UST: variants seen among roughly 807,000 people sequenced by gnomAD.
UST encodes the protein chondroitin sulfate 2-O-sulfotransferase.
A neutral mutation model predicts 45.6 loss-of-function variants in UST; 21 were observed. The observed-to-expected ratio is 0.46, with a 90% CI of 0.33 to 0.66. The LOEUF is 0.66. UST is among the 30% of genes least tolerant of loss of function. The probability of loss-of-function intolerance (pLI) is 0.02; values close to 1 mark genes in which losing one functional copy is unlikely to be tolerated. For missense variants in UST, 463 were observed against 512.4 expected (o/e 0.90, Z 0.93); for synonymous variants, 215 against 200.6 (o/e 1.07, Z -0.61).
chr6:148,842,805 G>C (rs928179632), intron 1 of UST, among the ~76,000 whole-genome samples: 1 of 152,212 alleles, frequency 6.6e-6, no homozygotes, highest in African/African-American at 2.4e-5. Context: ...TATATTTTAA[G>C]AGGTTTCTTA....
intron 7 of UST, among the ~76,000 whole-genome samples, chr6:149,036,486 C>T (rs905060079): frequency 9.9e-5 from 15 of 152,196 alleles, no homozygotes; most frequent in Non-Finnish European, 1.9e-4. Context: ...ATTATCATTC[C>T]TTCACTGTCA....
rs140711488 is a variant in UST, at chr6:148,755,803, C to T, written c.247+8126C>T. ...ACATAATTCACATTTCCTGCCACCTCCACAGAGCTAGATGTCATCTCTATA... is the reference window on the plus strand; with the variant it reads ...ACATAATTCACATTTCCTGCCACCTTCACAGAGCTAGATGTCATCTCTATA... On this transcript the variant is annotated intron_variant, in intron 1 of 7. Transcript: ENST00000367463. Among the ~76,000 whole-genome samples, 197 of 152,170 alleles carry T rather than the reference C, an allele frequency of 1.3e-3. 1 individual carries two copies. The highest frequency in any genetic ancestry group is 4.6e-3 in the African/African-American group (191 of 41,504).
At chr6:148,829,953 G>A (rs1357754607) in intron 1 of UST, among the ~76,000 whole-genome samples, 1 of 152,178 alleles carries the variant, frequency 6.6e-6, no homozygotes, top group Non-Finnish European at 1.5e-5. Context: ...GAAAAGACTT[G>A]CATATCACTT....
intron 1 of UST, among the ~76,000 whole-genome samples, chr6:148,779,596 C>G (rs570327865): frequency 6.6e-6 from 1 of 152,088 alleles, no homozygotes; most frequent in Non-Finnish European, 1.5e-5. Context: ...CACGGGATGT[C>G]GTAAGGACAA....
At chr6:148,807,538 C>G (rs745973025) in intron 1 of UST, among the ~76,000 whole-genome samples, 7 of 152,086 alleles carry the variant, frequency 4.6e-5, no homozygotes, top group Non-Finnish European at 7.4e-5. Context: ...GTTTTCCTCT[C>G]TCTTCCCTCT....
intron 1 of UST, among the ~76,000 whole-genome samples, chr6:148,769,850 A>G (rs1470380681): frequency 1.3e-5 from 2 of 148,982 alleles, no homozygotes; most frequent in African/African-American, 5.0e-5. Flanking sequence ...TTTGTTGTAT[A>G]GATCCCTACT....
At position 148,956,992 on chromosome 6, in the gene UST, C is replaced by T. The variant is rs115360138; in HGVS notation, c.527+3041C>T. Among the ~76,000 whole-genome samples the T allele has an allele frequency of 6.8e-3, 1,035 of 152,204 alleles. 15 individuals are homozygous for T. The highest frequency in any genetic ancestry group is 0.024 in the African/African-American group (985 of 41,500). On this transcript the variant is annotated intron_variant, in intron 4 of 7. Coordinates refer to ENST00000367463, the MANE Select transcript of UST (RefSeq NM_005715.3). ...AGGTGAGGGATGGGTCAGCTTTAGA[C>T]AAGTGAAGGGGGAGAGCATTCCCAG...
intron 4 of UST, among the ~76,000 whole-genome samples, chr6:148,957,053 C>G (rs1780528878): frequency 6.6e-6 from 1 of 152,154 alleles, no homozygotes; most frequent in Non-Finnish European, 1.5e-5. Flanking sequence ...CCAAGAGGAA[C>G]TGAAAGGGAT....
chr6:148,836,823 C>A (rs541759258), intron 1 of UST, among the ~76,000 whole-genome samples: 1 of 152,070 alleles, frequency 6.6e-6, no homozygotes, highest in Non-Finnish European at 1.5e-5. Context: ...CAAGGTATTT[C>A]CCCCAAGGTG....
Position 148,984,281 on chromosome 6 carries a change from C to G in UST, c.681+19718C>G, listed in dbSNP as rs560760716. Among the ~76,000 whole-genome samples the G allele has an allele frequency of 2.0e-5, 3 of 152,154 alleles. No individual in the cohort carries two copies. The South Asian group carries it at 6.2e-4, about 32-fold the overall frequency. ...AGAGTATATAATCTATCAGGGAAAA[C>G]AGACATTAAACAAGTATTGGGAGAG... On this transcript the variant is annotated intron_variant, in intron 5 of 7. Coordinates refer to ENST00000367463, the MANE Select transcript of UST (RefSeq NM_005715.3).
At chr6:148,882,563 A>C (rs373112982) in intron 1 of UST, among the ~76,000 whole-genome samples, 1 of 151,388 alleles carries the variant, frequency 6.6e-6, no homozygotes, top group African/African-American at 2.4e-5. Flanking sequence ...TCTACAGTGA[A>C]GGAATGGGGG....
chr6:148,777,124 C>T (rs1776549829), intron 1 of UST, among the ~76,000 whole-genome samples: 1 of 152,202 alleles, frequency 6.6e-6, no homozygotes, highest in African/African-American at 2.4e-5. Context: ...CTCCTGGAGA[C>T]AGGAGCCGTT....
intron 1 of UST, among the ~76,000 whole-genome samples, chr6:148,880,528 ACAAAGTCCT>A (rs1778804050): frequency 6.6e-6 from 1 of 152,238 alleles, no homozygotes; most frequent in Non-Finnish European, 1.5e-5. Flanking sequence ...GGTAGTACAT[ACAAAGTCCT>A]CCAAGTGCTC....
At chr6:148,979,439 G>A (rs535605525) in intron 5 of UST, among the ~76,000 whole-genome samples, 55 of 152,296 alleles carry the variant, frequency 3.6e-4, no homozygotes, top group African/African-American at 1.2e-3. Flanking sequence ...TCTTTGGCTA[G>A]GGCTCATTCA....
intron 1 of UST, among the ~76,000 whole-genome samples, chr6:148,861,548 T>A (rs1453000153): frequency 1.3e-5 from 2 of 152,220 alleles, no homozygotes; most frequent in African/African-American, 2.4e-5. Flanking sequence ...AGGTTTTGAA[T>A]GTGTTTGCTC....
At chr6:148,995,387 T>C (rs1466236342) in intron 5 of UST, among the ~76,000 whole-genome samples, 1 of 152,236 alleles carries the variant, frequency 6.6e-6, no homozygotes, top group Non-Finnish European at 1.5e-5. Context: ...GCTTCACCCA[T>C]TGTGACTCAG....
intron 2 of UST, among the ~76,000 whole-genome samples, chr6:148,924,702 T>C (rs1246065442): frequency 2.0e-5 from 3 of 152,132 alleles, no homozygotes; most frequent in Non-Finnish European, 4.4e-5. Context: ...CAGGAACACA[T>C]TTCTTGGTAA....
chr6:149,036,292 G>A (rs1776239683), intron 7 of UST, among the ~76,000 whole-genome samples: 1 of 152,152 alleles, frequency 6.6e-6, no homozygotes, highest in South Asian at 2.1e-4. Context: ...AGCTGGGTGA[G>A]CTGACACTCC....
In UST at chr6:148,816,202, A is replaced by G. The variant is rs527660693; in HGVS notation, c.247+68525A>G. 1.8e-4 allele frequency among the ~76,000 whole-genome samples: 28 copies of G among 152,352 alleles called. No homozygotes were observed. In the South Asian group the frequency reaches 5.4e-3, roughly 29 times the overall value. ...CTCAGATGTCAAGAAAAGCAAACCA[A>G]TGTTTTGTAATGCACCACAGTCCCC... On this transcript the variant is annotated intron_variant, in intron 1 of 7. Coordinates refer to ENST00000367463, the MANE Select transcript of UST (RefSeq NM_005715.3).
Sources: allele counts gnomAD v4.1 joint callset (sites outside exome capture counted in the v4.1 genomes callset), GRCh38; gene constraint gnomAD v4.1.1; transcripts MANE v1.5; gene names NCBI Gene and HGNC (gene_info 2026-07-23, HGNC 2026-07-21).